Variants in PPFIA2 observed in about 807,000 individuals in gnomAD.
PPFIA2 encodes the protein PPFI scaffold protein A2, also known as liprin-alpha-2.
A neutral mutation model predicts 175.5 loss-of-function variants in PPFIA2; 46 were observed. The observed-to-expected ratio is 0.26, with a 90% confidence interval of 0.21 to 0.34. PPFIA2 has a LOEUF of 0.34. Among genes scored for constraint, PPFIA2 ranks in the 10% least tolerant of loss-of-function variants. The pLI is 1.00. For synonymous variants in PPFIA2, 568 were observed against 511.4 expected (o/e 1.11, Z -1.49); for missense variants, 1,179 against 1,506.1 (o/e 0.78, Z 3.60).
intron 23 of PPFIA2, among the ~76,000 whole-genome samples, chr12:81,297,432 T>C (rs1014585051): frequency 3.7e-4 from 56 of 152,202 alleles, no homozygotes; most frequent in African/African-American, 1.3e-3. Context: ...AACGAAACTC[T>C]TTGAGTCAGT....
chr12:81,377,265 G>A (rs1025315608), intron 9 of PPFIA2, among the ~76,000 whole-genome samples: 13 of 152,232 alleles, frequency 8.5e-5, no homozygotes, highest in East Asian at 1.9e-4. Flanking sequence ...TAATAGATCA[G>A]CCAGAGGCGA....
intron 15 of PPFIA2, among the ~76,000 whole-genome samples, chr12:81,359,870 T>C (rs1158614932): frequency 1.3e-5 from 2 of 151,976 alleles, no homozygotes; most frequent in Non-Finnish European, 2.9e-5. Flanking sequence ...TTCAATGTCC[T>C]TAAAGGCCCT....
intron 5 of PPFIA2, among the ~76,000 whole-genome samples, chr12:81,450,414 G>C (rs957566200): frequency 2.0e-5 from 3 of 152,174 alleles, no homozygotes; most frequent in Admixed American, 2.0e-4. Context: ...TTTTTCATGT[G>C]TCTGTTGGCT....
At chr12:81,325,211 G>A (rs962878989) in intron 22 of PPFIA2, among the ~76,000 whole-genome samples, 1 of 151,870 alleles carries the variant, frequency 6.6e-6, no homozygotes, top group Admixed American at 6.6e-5. Context: ...GTTATTTTGG[G>A]AACTACTTGC....
Position 81,447,772 on chromosome 12 carries a change from G to A in PPFIA2, c.406-2052C>T, listed in dbSNP as rs530004141. Among the ~76,000 whole-genome samples, 3 of 152,158 alleles carry A rather than the reference G, an allele frequency of 2.0e-5. No homozygotes were observed. The South Asian group carries it at 6.2e-4, about 32-fold the overall frequency. ...GTTAGCTCAATTCCCAACATCTATA[G>A]GTATGCAATTAATATTTGTTGAGTG... On this transcript the variant is annotated intron_variant, in intron 5 of 32. Transcript: ENST00000549396.
At chr12:81,426,840 A>C (rs371216250) in intron 7 of PPFIA2, among the ~76,000 whole-genome samples, 3 of 152,050 alleles carry the variant, frequency 2.0e-5, no homozygotes, top group Non-Finnish European at 4.4e-5. Flanking sequence ...CACATTTTCT[A>C]TATTTAAAAC....
chr12:81,513,592 T>C (rs2062050066), intron 4 of PPFIA2, among the ~76,000 whole-genome samples: 1 of 152,018 alleles, frequency 6.6e-6, no homozygotes, highest in Admixed American at 6.6e-5. Flanking sequence ...AGTTCACATG[T>C]ACCTTTCATC....
chr12:81,407,985 T>A (rs995956072), intron 7 of PPFIA2, among the ~76,000 whole-genome samples: 9 of 152,192 alleles, frequency 5.9e-5, no homozygotes, highest in African/African-American at 2.2e-4. Context: ...CATTTTCATA[T>A]GAAGTAGCAC....
chr12:81,328,892 C>A (rs755002553), intron 21 of PPFIA2, among the ~76,000 whole-genome samples: 4 of 149,794 alleles, frequency 2.7e-5, no homozygotes, highest in Non-Finnish European at 4.4e-5. Context: ...GAGCTCACTG[C>A]AGCCTCAAAC....
chr12:81,269,449 T>G (rs1318295441), intron 28 of PPFIA2, among the ~76,000 whole-genome samples: 1 of 152,244 alleles, frequency 6.6e-6, no homozygotes, highest in Non-Finnish European at 1.5e-5. Context: ...TTTAAATACC[T>G]GTTTCAATAA....
intron 4 of PPFIA2, among the ~76,000 whole-genome samples, chr12:81,650,108 C>T (rs2066797708): frequency 6.6e-6 from 1 of 151,714 alleles, no homozygotes; most frequent in Non-Finnish European, 1.5e-5. Context: ...CTTCCAGATT[C>T]ACGCCATTCT....
chr12:81,542,735 A>G (rs1209644097), intron 4 of PPFIA2, among the ~76,000 whole-genome samples: 1 of 152,122 alleles, frequency 6.6e-6, no homozygotes, highest in Non-Finnish European at 1.5e-5. Flanking sequence ...AAATCTTTTA[A>G]ACAGCCTCTA....
intron 22 of PPFIA2, among the ~76,000 whole-genome samples, chr12:81,323,135 C>T (rs1028776639): frequency 1.3e-5 from 2 of 151,978 alleles, no homozygotes; most frequent in African/African-American, 4.8e-5. Flanking sequence ...ATAATTAACT[C>T]CTCTAGAGAT....
In PPFIA2 at chr12:81,586,032, T is replaced by C. The variant is rs544478192; in HGVS notation, c.303+90759A>G. ...ATTTTTCAGTTGCATTGTAATCTTATAGGACCACCATTATATATGCACTTT... is the reference window on the plus strand; with the variant it reads ...ATTTTTCAGTTGCATTGTAATCTTACAGGACCACCATTATATATGCACTTT... On this transcript the variant is annotated intron_variant, in intron 4 of 32. Coordinates refer to ENST00000549396, the MANE Select transcript of PPFIA2 (RefSeq NM_003625.5). Among the ~76,000 whole-genome samples, 9 of 152,088 alleles carry C rather than the reference T, an allele frequency of 5.9e-5. No homozygotes were observed. In the South Asian group the frequency reaches 1.9e-3, roughly 31 times the overall value.
intron 4 of PPFIA2, among the ~76,000 whole-genome samples, chr12:81,615,025 T>A (rs2061311244): frequency 6.6e-6 from 1 of 152,200 alleles, no homozygotes; most frequent in Non-Finnish European, 1.5e-5. Context: ...GGATTTTAAA[T>A]CTGTGCAGAA....
At chr12:81,603,515 A>C (rs1247143518) in intron 4 of PPFIA2, among the ~76,000 whole-genome samples, 4 of 151,712 alleles carry the variant, frequency 2.6e-5, no homozygotes, top group African/African-American at 2.4e-5. Flanking sequence ...GGAAAAAAAA[A>C]CAGATACACT....
intron 4 of PPFIA2, among the ~76,000 whole-genome samples, chr12:81,474,345 C>T (rs2057198383): frequency 6.6e-6 from 1 of 151,898 alleles, no homozygotes; most frequent in Non-Finnish European, 1.5e-5. Context: ...TTAGTAGAGA[C>T]GGGGTCTTGC....
chr12:81,713,113 G>A (rs2078159937), intron 3 of PPFIA2, among the ~76,000 whole-genome samples: 1 of 151,078 alleles, frequency 6.6e-6, no homozygotes, highest in South Asian at 2.1e-4. Flanking sequence ...TTTTTGAAAT[G>A]ATTTTAATAC....
chr12:81,312,735 A>T (rs1044567560), intron 22 of PPFIA2, among the ~76,000 whole-genome samples: 1 of 152,180 alleles, frequency 6.6e-6, no homozygotes, highest in African/African-American at 2.4e-5. Flanking sequence ...GCAGATTCTG[A>T]TCTTCAATTT....
Sources: gnomAD v4.1 joint callset for allele counts (sites outside exome capture counted in the v4.1 genomes callset) on GRCh38, gnomAD v4.1.1 for gene constraint, MANE v1.5 for transcripts, NCBI Gene and HGNC (gene_info 2026-07-23, HGNC 2026-07-21) for gene names.